Variants in LRRK2 observed in about 807,000 individuals in gnomAD.
LRRK2 encodes leucine rich repeat kinase 2, also known as leucine-rich repeat serine/threonine-protein kinase 2.
LRRK2 carries 203 observed loss-of-function variants against 302.6 expected under a neutral mutation model. That is an observed-to-expected ratio of 0.67 (90% confidence interval 0.60 to 0.75). The LOEUF (loss-of-function observed/expected upper bound fraction) is 0.75, where lower values mean the gene tolerates loss of function less well. LRRK2 is among the 30% of genes least tolerant of loss of function. The probability of loss-of-function intolerance (pLI) is 0.00; values close to 1 mark genes in which losing one functional copy is unlikely to be tolerated. For missense variants in LRRK2, 2,830 were observed against 2,951.0 expected, an observed-to-expected ratio of 0.96 and a Z score of 0.95; for synonymous variants, 1,066 against 1,031.9, an observed-to-expected ratio of 1.03 and a Z score of -0.63.
chr12:40,310,447 C>G lies in LRRK2; in HGVS notation c.4334C>G (p.Ser1445Cys), dbSNP rs1945001552. Residue 1445 changes from serine to cysteine, a missense_variant, in exon 31 of 51, where the codon TCC (serine) becomes TGC (cysteine). By Grantham distance (112) the Ser-to-Cys change is moderately radical. Transcript: ENST00000298910. ...LFNIKARASS[S>C]PVILVGTHLD... is the part of the protein sequence containing the mutation. Reference sequence around the variant, plus strand: ...TCCCTCCAGGCTCGCGCTTCTTCTTCCCCTGTGATTCTCGTTGGCACACAT... The same window carrying G: ...TCCCTCCAGGCTCGCGCTTCTTCTTGCCCTGTGATTCTCGTTGGCACACAT... 1 of 1,613,008 alleles carries G rather than the reference C, an allele frequency of 6.2e-7. No homozygotes were observed. The highest frequency in any genetic ancestry group is 1.7e-5 in the Admixed American group (1 of 59,826).
In LRRK2 at chr12:40,240,549, C is replaced by T. The variant is rs753237492; in HGVS notation, c.638C>T (p.Thr213Ile). The T allele has an allele frequency of 6.2e-7, 1 of 1,613,298 alleles. No homozygotes were observed. The highest frequency in any genetic ancestry group is 1.7e-5 in the Admixed American group (1 of 59,890). The part of the protein sequence containing the change: ...KDYMILLSAL[T>I]NFKDEEEIVL... The stretch of plus-strand genomic sequence containing the variant: ...TATATGATATTGTTAAGTGCGTTAA[C>T]AAATTTTAAAGATGAAGAGGAAATT... Residue 213 changes from threonine to isoleucine, a missense_variant, in exon 6 of 51, where the codon ACA (threonine) becomes ATA (isoleucine). Thr to Ile is a moderately conservative substitution (Grantham distance 89). Coordinates refer to ENST00000298910, the MANE Select transcript of LRRK2 (RefSeq NM_198578.4).
chr12:40,323,387 T>C lies in LRRK2; in HGVS notation c.5656+81T>C, dbSNP rs539443661. 3.1e-5 allele frequency: 38 copies of C among 1,215,450 alleles called. No homozygotes were observed. In the South Asian group the frequency reaches 4.7e-4, roughly 15 times the overall value. The allele number at this position is 1,215,450 out of a possible 1,614,324, so 75.3% of individuals were successfully genotyped here. On this transcript the variant is annotated intron_variant, in intron 38 of 50. Coordinates refer to ENST00000298910, the MANE Select transcript of LRRK2 (RefSeq NM_198578.4). Reference sequence around the variant, plus strand: ...ATTTAGAAAATAGATTTCATAATTATATTGTCATAGATTTTACTGTCTTCA... The same window carrying C: ...ATTTAGAAAATAGATTTCATAATTACATTGTCATAGATTTTACTGTCTTCA...
chr12:40,302,701 C>T, intron 25 of LRRK2, 88 bp from the exon 26 acceptor site: 1 of 905,990 alleles, frequency 1.1e-6, no homozygotes, highest in Middle Eastern at 3.2e-4. Flanking sequence ...AATTAAGTGA[C>T]ACACTATTGG....
intron 38 of LRRK2, among the ~76,000 whole-genome samples, chr12:40,327,498 T>G (rs1339695584): frequency 6.6e-6 from 1 of 152,202 alleles, no homozygotes; most frequent in Admixed American, 6.5e-5. Flanking sequence ...GGAAAGCTAC[T>G]GAACTCCAGC....
At position 40,323,081 on chromosome 12, in the gene LRRK2, T is replaced by G. The variant is rs973512145; in HGVS notation, c.5510-79T>G. 1.8e-5 allele frequency: 22 copies of G among 1,204,986 alleles called. No individual in the cohort carries two copies. In the Admixed American group the frequency reaches 3.8e-4, roughly 21 times the overall value. The allele number at this position is 1,204,986 out of a possible 1,614,324, so 74.6% of individuals were successfully genotyped here. A position where few individuals can be genotyped will look rare whatever the true frequency, so the allele number is the denominator to read the frequency against. On this transcript the variant is annotated intron_variant, in intron 37 of 50. Coordinates refer to ENST00000298910, the MANE Select transcript of LRRK2 (RefSeq NM_198578.4). ...AGAAATTATAGAAAATATTCCATTA[T>G]TTTTTCACATCAAAACCACAAATTT...
rs1944244815 is a variant in LRRK2 at position 40,293,526 on chromosome 12, T to G, written c.2690-19T>G. The stretch of plus-strand genomic sequence containing the variant: ...CTTTTTGTATTCACCTTCATGTTAT[T>G]TTATCATTTTCAAAATAGGAAGTGA... On this transcript the variant is annotated intron_variant, in intron 20 of 50. Transcript: ENST00000298910. 1.4e-6 allele frequency: 2 copies of G among 1,466,810 alleles called. No individual in the cohort carries two copies. The highest frequency in any genetic ancestry group is 1.9e-6 in the Non-Finnish European group (2 of 1,050,518). 90.9% of individuals were successfully genotyped at this position (1,466,810 alleles called of 1,614,324 possible). A position where few individuals can be genotyped will look rare whatever the true frequency, so the allele number is the denominator to read the frequency against.
chr12:40,246,586 G>A lies in LRRK2; in HGVS notation c.838+2905G>A, dbSNP rs142921489. On this transcript the variant is annotated intron_variant, in intron 7 of 50. Coordinates refer to ENST00000298910, the MANE Select transcript of LRRK2 (RefSeq NM_198578.4). The stretch of plus-strand genomic sequence containing the variant: ...CTGCTTCTAGGCTGACTGCCTGTCA[G>A]TTGCGGAGCCTTGTTTTCTTGTATG... Among the ~76,000 whole-genome samples, 218 of 152,242 alleles carry A rather than the reference G, an allele frequency of 1.4e-3. 1 individual carries two copies. The highest frequency in any genetic ancestry group is 4.9e-3 in the African/African-American group (205 of 41,536).
chr12:40,328,507 C>T, intron 39 of LRRK2, 47 bp downstream of exon 39: 1 of 1,365,156 alleles, frequency 7.3e-7, no homozygotes, highest in Non-Finnish European at 1.0e-6. Context: ...CATTATTAAT[C>T]TACTGGAACT....
chr12:40,327,053 GT>G (rs1467978827), intron 38 of LRRK2, among the ~76,000 whole-genome samples: 2 of 152,152 alleles, frequency 1.3e-5, no homozygotes, highest in Non-Finnish European at 2.9e-5. Flanking sequence ...CTTATAGACT[GT>G]TTTGTGTGTA....
intron 27 of LRRK2, 140 bp from the exon 28 acceptor site, chr12:40,305,645 G>C: frequency 1.3e-6 from 1 of 772,312 alleles, no homozygotes; most frequent in Non-Finnish European, 2.2e-6. Flanking sequence ...CAAACCTTTG[G>C]AAAGTTTTAA....
intron 22 of LRRK2, 150 bp from the exon 23 acceptor site, chr12:40,295,277 A>G: frequency 1.5e-6 from 1 of 687,700 alleles, no homozygotes. Flanking sequence ...CATCTCTGCC[A>G]CTGGAATGTA....
intron 39 of LRRK2, among the ~76,000 whole-genome samples, chr12:40,334,152 C>T (rs1054475749): frequency 1.3e-5 from 2 of 152,108 alleles, no homozygotes. Context: ...CCAGTTGCAG[C>T]TGATTAGTAG....
rs1456408157 is a variant in LRRK2, at chr12:40,278,222, T to C, written c.2202T>C (p.Asp734=). The part of the protein sequence containing the change: ...MVECLLLLGA[D]ANQAKEGSSL... ...AATGCTTGCTTCTATTGGGAGCAGATGCCAATCAAGCAAAGGAGGGATCTT... is the reference window on the plus strand; with the variant it reads ...AATGCTTGCTTCTATTGGGAGCAGACGCCAATCAAGCAAAGGAGGGATCTT... The change falls in exon 18 of 51, where the codon GAT becomes GAC. Residue 734 remains aspartate, a synonymous_variant. Transcript: ENST00000298910. 1.2e-6 allele frequency: 2 copies of C among 1,614,146 alleles called. No homozygotes were observed. The highest frequency in any genetic ancestry group is 1.3e-5 in the African/African-American group (1 of 75,050).
chr12:40,237,487 G>C (rs2136419500), intron 4 of LRRK2, among the ~76,000 whole-genome samples: 1 of 152,274 alleles, frequency 6.6e-6, no homozygotes, highest in South Asian at 2.1e-4. Flanking sequence ...AAAGGACTTG[G>C]TAATGAATTG....
Position 40,299,131 on chromosome 12 carries a change from T to A in LRRK2, c.3370T>A (p.Ser1124Thr). 6.2e-7 allele frequency: 1 copy of A among 1,612,950 alleles called. No individual in the cohort carries two copies. ...LEGNKISGIC[S>T]PLRLKELKIL... ...TAGAAATAAAATATCAGGGATATGC[T>A]CCCCCTTGAGACTGAAGGAACTGAA... Residue 1124 changes from serine to threonine, a missense_variant, in exon 25 of 51, where the codon TCC (serine) becomes ACC (threonine). Ser to Thr is a moderately conservative substitution (Grantham distance 58, BLOSUM62 1). Around this residue, in one of 3 missense-constraint regions of LRRK2, gnomAD observed 2,121 missense variants for 2,148.0 expected, o/e 0.99. Transcript: ENST00000298910.
intron 19 of LRRK2, chr12:40,286,313 A>G (rs1169205863): frequency 2.6e-5 from 4 of 151,926 alleles, no homozygotes; most frequent in Non-Finnish European, 4.4e-5. Flanking sequence ...CTTCGGGATA[A>G]TTTCCCATAT....
intron 38 of LRRK2, 106 bp from the exon 39 acceptor site, chr12:40,328,254 G>C (rs1051587179): frequency 9.7e-6 from 8 of 828,832 alleles, no homozygotes; most frequent in Non-Finnish European, 1.6e-5. Flanking sequence ...AGTAGGTCAG[G>C]TTTCTATTCA....
chr12:40,292,721 A>G (rs1223930485), intron 20 of LRRK2, among the ~76,000 whole-genome samples: 1 of 151,964 alleles, frequency 6.6e-6, no homozygotes, highest in Non-Finnish European at 1.5e-5. Context: ...TTGACATAAA[A>G]TGAATTCTTT....
At position 40,316,735 on chromosome 12, in the gene LRRK2, T is replaced by A. The variant is rs543981951; in HGVS notation, c.4827+1435T>A. Among the ~76,000 whole-genome samples the A allele has an allele frequency of 2.6e-3, 403 of 152,180 alleles. 3 individuals are homozygous for A. The highest frequency in any genetic ancestry group is 9.2e-3 in the African/African-American group (382 of 41,532). On this transcript the variant is annotated intron_variant, in intron 33 of 50. Transcript: ENST00000298910. ...TTAAAGAATGTTAATCAGGAAATTT[T>A]AAAAAATTCAGAACTATAAAGAGGT... is the stretch of plus-strand genomic sequence containing the variant.
Sources: allele counts gnomAD v4.1 joint callset (sites outside exome capture counted in the v4.1 genomes callset), GRCh38; gene constraint gnomAD v4.1.1; regional missense constraint gnomAD v4.1.1; transcripts MANE v1.5; gene names NCBI Gene and HGNC (gene_info 2026-07-23, HGNC 2026-07-21).